Variants in MTCL3 observed in about 807,000 individuals in gnomAD.
The protein encoded by MTCL3 is microtubule cross-linking factor 3.
the MTCL3 span, chr6:127,475,858 T>G: frequency 6.2e-7 from 1 of 1,613,632 alleles, no homozygotes; most frequent in Non-Finnish European, 8.5e-7. The surrounding 1 kb of genome is among the most constrained non-coding windows in gnomAD (Gnocchi z 7.3). Flanking sequence ...GTTCTCGTAC[T>G]GCAGCTGCAT....
chr6:127,478,336 A>G, the MTCL3 span, among the ~76,000 whole-genome samples: 3 of 152,234 alleles, frequency 2.0e-5, no homozygotes, highest in African/African-American at 7.2e-5. Flanking sequence ...AAATGGATAA[A>G]GTTGGTTCTG....
the MTCL3 span, among the ~76,000 whole-genome samples, chr6:127,493,820 T>A: frequency 6.6e-6 from 1 of 152,242 alleles, no homozygotes; most frequent in Non-Finnish European, 1.5e-5. Context: ...TTTGTTTTAT[T>A]TTTTTAAATT....
the MTCL3 span, among the ~76,000 whole-genome samples, chr6:127,507,668 C>A: frequency 3.3e-5 from 5 of 151,590 alleles, no homozygotes; most frequent in African/African-American, 1.2e-4. Context: ...ACAGTGAAAC[C>A]CTGTCTCTAC....
chr6:127,473,212 T>C, the MTCL3 span: 1 of 1,388,766 alleles, frequency 7.2e-7, no homozygotes, highest in Non-Finnish European at 9.4e-7. Context: ...TTCTTTTACT[T>C]CTTGTCTTGA....
At chr6:127,475,607 TGGGCCAGGGCCC>T in the MTCL3 span, 2 of 1,601,984 alleles carry the variant, frequency 1.2e-6, no homozygotes, top group African/African-American at 2.7e-5. This position sits in a 1 kb window ranked among gnomAD's most constrained non-coding sequence, Gnocchi z 7.3. Flanking sequence ...GAGAAGCTCT[TGGGCCAGGGCCC>T]GGGCGCCGGG....
chr6:127,500,113 T>C, the MTCL3 span, among the ~76,000 whole-genome samples: 1 of 152,162 alleles, frequency 6.6e-6, no homozygotes, highest in South Asian at 2.1e-4. Flanking sequence ...ATAATCTCTT[T>C]TCATTTGAAC....
At chr6:127,488,408 C>T in the MTCL3 span, among the ~76,000 whole-genome samples, 2 of 152,206 alleles carry the variant, frequency 1.3e-5, no homozygotes, top group African/African-American at 4.8e-5. Context: ...TCTGTTTTCT[C>T]ATTCTGCAAT....
At chr6:127,497,190 T>A in the MTCL3 span, among the ~76,000 whole-genome samples, 1 of 152,214 alleles carries the variant, frequency 6.6e-6, no homozygotes, top group Non-Finnish European at 1.5e-5. Context: ...TAAAATATGA[T>A]TCAACAAAGT....
chr6:127,476,493 A>G, the MTCL3 span: 1 of 1,508,494 alleles, frequency 6.6e-7, no homozygotes, highest in South Asian at 1.3e-5. The surrounding 1 kb of genome is among the most constrained non-coding windows in gnomAD (Gnocchi z 4.4). Context: ...AAGAGGGAAA[A>G]GGATAGGAGA....
the MTCL3 span, among the ~76,000 whole-genome samples, chr6:127,505,842 C>A: frequency 1.3e-5 from 2 of 152,230 alleles, no homozygotes; most frequent in East Asian, 3.9e-4. Context: ...CATGGCCACA[C>A]TACACCAGGC....
chr6:127,488,385 G>A, the MTCL3 span, among the ~76,000 whole-genome samples: 927 of 152,210 alleles, frequency 6.1e-3, 10 homozygotes, highest in African/African-American at 0.02. Context: ...TTGTATATTT[G>A]TTTGTTTCAA....
the MTCL3 span, among the ~76,000 whole-genome samples, chr6:127,487,287 T>C: frequency 1.3e-5 from 2 of 152,210 alleles, no homozygotes; most frequent in Non-Finnish European, 2.9e-5. Context: ...ATATCCTTTA[T>C]GGTAACAGAG....
chr6:127,478,745 G>A, the MTCL3 span, among the ~76,000 whole-genome samples: 17,639 of 152,068 alleles, frequency 0.12, 1,407 homozygotes, highest in Admixed American at 0.19. Flanking sequence ...ATGGCCAGGC[G>A]CGGTCACTCA....
the MTCL3 span, among the ~76,000 whole-genome samples, chr6:127,497,635 G>A: frequency 4.6e-5 from 7 of 152,072 alleles, no homozygotes; most frequent in South Asian, 8.3e-4. Flanking sequence ...AATTGTGCAC[G>A]TCAAGCTGTT....
At chr6:127,479,041 A>G in the MTCL3 span, among the ~76,000 whole-genome samples, 13 of 146,758 alleles carry the variant, frequency 8.9e-5, no homozygotes, top group Non-Finnish European at 2.0e-4. Flanking sequence ...AAAAAAAAAG[A>G]GAAAGGGGGA....
At chr6:127,488,395 A>G in the MTCL3 span, among the ~76,000 whole-genome samples, 1 of 152,098 alleles carries the variant, frequency 6.6e-6, no homozygotes, top group East Asian at 1.9e-4. Context: ...GTTTGTTTCA[A>G]TGTCTGTTTT....
At chr6:127,474,725 C>T in the MTCL3 span, among the ~76,000 whole-genome samples, 19 of 152,030 alleles carry the variant, frequency 1.2e-4, no homozygotes, top group Admixed American at 4.6e-4. Flanking sequence ...ATTACAGGTG[C>T]GTGCCACCAC....
the MTCL3 span, among the ~76,000 whole-genome samples, chr6:127,492,306 C>T: frequency 1.4e-4 from 14 of 97,776 alleles, no homozygotes; most frequent in African/African-American, 4.5e-4. Flanking sequence ...ATCTACCAAA[C>T]ATTCTTCACC....
the MTCL3 span, among the ~76,000 whole-genome samples, chr6:127,484,113 G>A: frequency 6.6e-6 from 1 of 152,110 alleles, no homozygotes; most frequent in Admixed American, 6.6e-5. Flanking sequence ...GAAGGACAGG[G>A]GTATAGACTG....
Sources: gnomAD v4.1 joint callset for allele counts (sites outside exome capture counted in the v4.1 genomes callset) on GRCh38, gnomAD v4.1.1 for gene constraint, Gnocchi (gnomAD v3.1) non-coding constraint, MANE v1.5 for transcripts, NCBI Gene and HGNC (gene_info 2026-07-23, HGNC 2026-07-21) for gene names.